The following VWC2L variants were observed in gnomAD, a reference collection of about 807,000 sequenced individuals.
VWC2L encodes the protein von Willebrand factor C domain containing 2 like.
In VWC2L, 10 loss-of-function variants were observed where a neutral mutation model predicts 21.6. The observed-to-expected ratio is 0.46, with a 90% CI of 0.29 to 0.78. The LOEUF (loss-of-function observed/expected upper bound fraction) is 0.78. Among genes scored for constraint, VWC2L ranks in the 30% least tolerant of loss-of-function variants. VWC2L has a pLI of 0.10. For missense variants in VWC2L, 209 were observed against 277.1 expected (o/e 0.75, Z 1.74); for synonymous variants, 96 against 94.3 (o/e 1.02, Z -0.10).
At chr2:214,532,872 C>T (rs1299554233) in intron 3 of VWC2L, among the ~76,000 whole-genome samples, 1 of 151,774 alleles carries the variant, frequency 6.6e-6, no homozygotes, top group Non-Finnish European at 1.5e-5. Context: ...GAGGTAACCT[C>T]ATTAGCCCAT....
At chr2:214,518,139 C>T (rs1689174612) in intron 3 of VWC2L, among the ~76,000 whole-genome samples, 1 of 149,970 alleles carries the variant, frequency 6.7e-6, no homozygotes. Context: ...GCACTCCAGC[C>T]TGGATGACAG....
At chr2:214,434,422 T>C (rs1482738891) in intron 2 of VWC2L, among the ~76,000 whole-genome samples, 1 of 152,184 alleles carries the variant, frequency 6.6e-6, no homozygotes, top group Non-Finnish European at 1.5e-5. Flanking sequence ...TAAGTTTCCA[T>C]AATAATCTCA....
In VWC2L at chr2:214,575,907, A is replaced by G; in HGVS notation, c.*87A>G. On this transcript the variant is annotated 3_prime_UTR_variant, in exon 4 of 4. Coordinates refer to ENST00000312504, the MANE Select transcript of VWC2L (RefSeq NM_001080500.4). ...TGTTTAACACAAAACAAAACAAACA[A>G]ACTCCTGCCAGCTACAACAGGGTCA... 2.1e-6 allele frequency: 3 copies of G among 1,443,834 alleles called. No homozygotes were observed. Among genetic ancestry groups the G allele is most frequent in the Non-Finnish European group, 2.8e-6 (3 of 1,073,418 alleles). The allele number at this position is 1,443,834 out of a possible 1,614,324, so 89.4% of individuals were successfully genotyped here. A position where few individuals can be genotyped will look rare whatever the true frequency, so the allele number is the denominator to read the frequency against.
At chr2:214,526,695 C>G (rs1689344235) in intron 3 of VWC2L, among the ~76,000 whole-genome samples, 1 of 152,186 alleles carries the variant, frequency 6.6e-6, no homozygotes, top group Non-Finnish European at 1.5e-5. Flanking sequence ...ACATGTTAGC[C>G]AGCTTGCGCC....
intron 3 of VWC2L, among the ~76,000 whole-genome samples, chr2:214,461,576 C>T (rs1221683438): frequency 6.6e-6 from 1 of 152,084 alleles, no homozygotes; most frequent in Non-Finnish European, 1.5e-5. Context: ...TGTTGCTAGG[C>T]CCTTGGTGGT....
intron 3 of VWC2L, chr2:214,472,229 G>C (rs1703319841): frequency 6.6e-6 from 1 of 152,136 alleles, no homozygotes; most frequent in South Asian, 2.1e-4. Flanking sequence ...ACACAGCCAG[G>C]CTGAAGCCAC....
intron 3 of VWC2L, among the ~76,000 whole-genome samples, chr2:214,485,318 A>G (rs1197170436): frequency 1.3e-5 from 2 of 152,094 alleles, no homozygotes; most frequent in Non-Finnish European, 2.9e-5. Flanking sequence ...AAAAAAAGAA[A>G]AAAAAAGTGT....
rs1690230615 is a variant in VWC2L at position 214,576,441 on chromosome 2, T to G, written c.*621T>G. ...AGACGGGCCTATTGCTGGACAGGGT[T>G]GGGAACAAGTACTTTGTCCATTACG... is the stretch of plus-strand genomic sequence containing the variant. On this transcript the variant is annotated 3_prime_UTR_variant, in exon 4 of 4. Transcript: ENST00000312504. The G allele has an allele frequency of 6.6e-6, 1 of 152,150 alleles. No individual in the cohort carries two copies. Among genetic ancestry groups the G allele is most frequent in the African/African-American group, 2.4e-5 (1 of 41,416 alleles). The allele number at this position is 152,150 out of a possible 1,614,324, so 9.4% of individuals were successfully genotyped here. A position where few individuals can be genotyped will look rare whatever the true frequency, so the allele number is the denominator to read the frequency against.
rs140262445 is a variant in VWC2L, at chr2:214,497,957, G to A, written c.520+61199G>A. On this transcript the variant is annotated intron_variant, in intron 3 of 3. Coordinates refer to ENST00000312504, the MANE Select transcript of VWC2L (RefSeq NM_001080500.4). ...TAAAAACCCAAATCTCTGTGGCTTG[G>A]CCAAATAGAAGTTGGGGGAGAAATG... Among the ~76,000 whole-genome samples, 993 of 152,266 alleles carry A rather than the reference G, an allele frequency of 6.5e-3. 11 individuals carry two copies. Among genetic ancestry groups the A allele is most frequent in the African/African-American group, 0.023 (944 of 41,558 alleles).
chr2:214,462,125 C>T (rs1345290700), intron 3 of VWC2L, among the ~76,000 whole-genome samples: 3 of 152,194 alleles, frequency 2.0e-5, no homozygotes, highest in African/African-American at 7.2e-5. Context: ...GCTAGGCTCT[C>T]AAAATGGCAC....
At chr2:214,497,474 A>G (rs776725360) in intron 3 of VWC2L, among the ~76,000 whole-genome samples, 4 of 152,196 alleles carry the variant, frequency 2.6e-5, no homozygotes, top group Non-Finnish European at 5.9e-5. Context: ...CCTTCTTCAT[A>G]TATGGTGGGT....
chr2:214,417,548 T>C (rs968848134), intron 2 of VWC2L, among the ~76,000 whole-genome samples: 2 of 152,090 alleles, frequency 1.3e-5, no homozygotes, highest in Non-Finnish European at 2.9e-5. Context: ...AGACTGAAAT[T>C]CCAAAGACGA....
chr2:214,557,189 G>A (rs1448355749), intron 3 of VWC2L, among the ~76,000 whole-genome samples: 1 of 152,116 alleles, frequency 6.6e-6, no homozygotes, highest in Admixed American at 6.5e-5. Flanking sequence ...GAGGTTTGAT[G>A]GACTCACAGT....
At chr2:214,439,010 A>C (rs1040424762) in intron 3 of VWC2L, among the ~76,000 whole-genome samples, 2 of 152,082 alleles carry the variant, frequency 1.3e-5, no homozygotes, top group African/African-American at 4.8e-5. Flanking sequence ...AAATTAGTGG[A>C]AGGACTGATT....
intron 3 of VWC2L, among the ~76,000 whole-genome samples, chr2:214,471,283 G>A (rs1703306494): frequency 1.3e-5 from 2 of 152,238 alleles, no homozygotes; most frequent in South Asian, 4.1e-4. Flanking sequence ...CTATAATTAT[G>A]TATAATTTAA....
chr2:214,492,867 C>T (rs1415722133), intron 3 of VWC2L, among the ~76,000 whole-genome samples: 1 of 152,274 alleles, frequency 6.6e-6, no homozygotes, highest in East Asian at 1.9e-4. Flanking sequence ...AAGTTTCTTG[C>T]TCACAGTACA....
At chr2:214,430,086 A>G (rs1033449640) in intron 2 of VWC2L, among the ~76,000 whole-genome samples, 2 of 152,026 alleles carry the variant, frequency 1.3e-5, no homozygotes, top group African/African-American at 4.8e-5. Flanking sequence ...GGCCTCCCAA[A>G]TTGCTGGGAT....
chr2:214,560,585 G>T (rs1559331207), intron 3 of VWC2L, among the ~76,000 whole-genome samples: 1 of 152,202 alleles, frequency 6.6e-6, no homozygotes, highest in Non-Finnish European at 1.5e-5. Flanking sequence ...GTCAGAAGTA[G>T]AAGGTTTGTT....
intron 2 of VWC2L, chr2:214,415,037 A>G (rs1702334583): frequency 5.8e-6 from 1 of 171,718 alleles, no homozygotes; most frequent in South Asian, 1.5e-4. Context: ...CTACAGAGAT[A>G]TACTTCTTAG....
Sources: allele counts gnomAD v4.1 joint callset (sites outside exome capture counted in the v4.1 genomes callset), GRCh38; gene constraint gnomAD v4.1.1; transcripts MANE v1.5; gene names NCBI Gene and HGNC (gene_info 2026-07-23, HGNC 2026-07-21).